FGF13: variants seen among roughly 807,000 people sequenced by gnomAD.
The protein encoded by FGF13 is fibroblast growth factor 13.
In FGF13, 2 loss-of-function variants were observed where a neutral mutation model predicts 19.5. The ratio of observed to expected loss-of-function variants is 0.10; its 90% CI spans 0.04 to 0.32. FGF13 has a LOEUF of 0.32. Ranked by LOEUF, FGF13 falls within the 10% of genes least tolerant of loss-of-function variation. The pLI, the probability that FGF13 is intolerant of heterozygous loss-of-function variation, is 1.00. For missense variants in FGF13, 113 were observed against 192.7 expected (o/e 0.59, Z 2.45); for synonymous variants, 72 against 76.9 (o/e 0.94, Z 0.33).
At chrX:139,113,625 C>T (rs368754464) in intron 1 of FGF13, among the ~76,000 whole-genome samples, 10 of 112,386 alleles carry the variant, frequency 8.9e-5, no homozygotes, top group Non-Finnish European at 1.9e-4. Context: ...ACTTAAAATA[C>T]GTGGTTACAT....
chrX:138,797,969 T>C (rs904846274), intron 3 of FGF13, among the ~76,000 whole-genome samples: 3 of 111,881 alleles, frequency 2.7e-5, no homozygotes, highest in Admixed American at 1.9e-4. Flanking sequence ...TGGGCTGAGA[T>C]GATGAGGTTT....
intron 3 of FGF13, among the ~76,000 whole-genome samples, chrX:138,783,033 T>G (rs1364313676): frequency 2.2e-5 from 2 of 89,406 alleles, no homozygotes; most frequent in Non-Finnish European, 4.3e-5. Flanking sequence ...ATCTGATCTT[T>G]GACAAACCTG....
chrX:139,165,071 T>G (rs923881440), intron 1 of FGF13, among the ~76,000 whole-genome samples: 5 of 111,989 alleles, frequency 4.5e-5, no homozygotes, highest in African/African-American at 1.6e-4. Flanking sequence ...GGTAGAAATA[T>G]GGACGTTAAA....
chrX:138,728,004 C>G (rs960705961), intron 1 of FGF13, among the ~76,000 whole-genome samples: 9 of 111,326 alleles, frequency 8.1e-5, no homozygotes, highest in African/African-American at 2.9e-4. Flanking sequence ...ATTATATTAT[C>G]CTTTCCAAAG....
At chrX:138,867,921 A>G (rs921463925) in intron 1 of FGF13, among the ~76,000 whole-genome samples, 3 of 110,705 alleles carry the variant, frequency 2.7e-5, no homozygotes, top group African/African-American at 9.9e-5. Flanking sequence ...CGCACAAAAA[A>G]TTTTCAACCA....
chrX:138,915,592 G>A (rs1271957846), intron 1 of FGF13, among the ~76,000 whole-genome samples: 1 of 111,669 alleles, frequency 9.0e-6, no homozygotes, highest in Non-Finnish European at 1.9e-5. Flanking sequence ...GCTTCAACAG[G>A]TATTTGTGTC....
In FGF13 at chrX:138,870,347, TTTAACAGA is replaced by T. The variant is rs202154586; in HGVS notation, c.-112-5705_-112-5698del. Among the ~76,000 whole-genome samples, 847 of 112,092 alleles carry T rather than the reference TTTAACAGA, an allele frequency of 7.6e-3. 7 individuals carry two copies. The highest frequency in any genetic ancestry group is 0.026 in the African/African-American group (796 of 30,864). ...ATATTCATAGCAACCCATGTTCACA[TTTAACAGA>T]GAGAAAACTGAATGTCAAAGAGGTT... On this transcript the variant is annotated intron_variant, in intron 1 of 2. Coordinates refer to the FGF13 transcript ENST00000421460.
At chrX:139,191,741 G>A (rs928993392) in intron 1 of FGF13, among the ~76,000 whole-genome samples, 5 of 111,085 alleles carry the variant, frequency 4.5e-5, no homozygotes, top group Non-Finnish European at 9.4e-5. Context: ...GAAAAATTAT[G>A]TCCAAGGAAA....
chrX:139,193,411 G>C (rs2084347829), intron 1 of FGF13, among the ~76,000 whole-genome samples: 1 of 112,101 alleles, frequency 8.9e-6, no homozygotes, highest in Admixed American at 9.5e-5. Flanking sequence ...AACACATTTA[G>C]TGAGCACTTG....
chrX:139,162,082 T>C (rs1276304925), intron 1 of FGF13, among the ~76,000 whole-genome samples: 1 of 112,005 alleles, frequency 8.9e-6, no homozygotes, highest in Non-Finnish European at 1.9e-5. Context: ...AAAGAGCCTG[T>C]ATAGGCAAGA....
intron 1 of FGF13, among the ~76,000 whole-genome samples, chrX:139,173,311 G>C (rs1326995032): frequency 9.0e-6 from 1 of 110,814 alleles, no homozygotes; most frequent in African/African-American, 3.3e-5. Flanking sequence ...GTCTCTTCTA[G>C]AAATTGATAC....
intron 1 of FGF13, among the ~76,000 whole-genome samples, chrX:139,034,047 A>T (rs1462865178): frequency 8.9e-6 from 1 of 111,751 alleles, no homozygotes; most frequent in African/African-American, 3.3e-5. Context: ...AATGACTTCT[A>T]TCAGAATTAT....
Position 138,952,764 on chromosome X carries a change from G to A in FGF13, c.-112-88114C>T, listed in dbSNP as rs1217324812. Among the ~76,000 whole-genome samples, 12 of 111,182 alleles carry A rather than the reference G, an allele frequency of 1.1e-4. No homozygotes were observed. The East Asian group carries it at 1.1e-3, about 11-fold the overall frequency. On this transcript the variant is annotated intron_variant, in intron 1 of 2. Transcript: ENST00000421460. ...CAAACAACCCCATCAACAAGTGGGC[G>A]AAGGATATGAACAGACACTTCTCAA...
At chrX:139,140,628 T>A (rs1165839962) in intron 1 of FGF13, among the ~76,000 whole-genome samples, 2 of 111,221 alleles carry the variant, frequency 1.8e-5, no homozygotes, top group African/African-American at 6.6e-5. Context: ...TTCCACTTTG[T>A]CCCTTAGGGT....
At chrX:139,105,477 C>G (rs1379228164) in intron 1 of FGF13, among the ~76,000 whole-genome samples, 1 of 111,853 alleles carries the variant, frequency 8.9e-6, no homozygotes, top group East Asian at 2.8e-4. Context: ...TTCATGCTCA[C>G]GAACTCCTAT....
chrX:139,002,154 C>A (rs2092076141), intron 1 of FGF13, among the ~76,000 whole-genome samples: 1 of 109,971 alleles, frequency 9.1e-6, no homozygotes, highest in African/African-American at 3.3e-5. Flanking sequence ...AACACATGGA[C>A]ACAGGGAGGG....
chrX:138,651,492 G>T (rs757344698), intron 3 of FGF13, among the ~76,000 whole-genome samples: 2 of 111,764 alleles, frequency 1.8e-5, no homozygotes. Flanking sequence ...TAATAGATTC[G>T]ATTTTTCCTG....
intron 1 of FGF13, among the ~76,000 whole-genome samples, chrX:139,054,940 C>T (rs1337890536): frequency 1.2e-5 from 1 of 84,311 alleles, no homozygotes; most frequent in Non-Finnish European, 2.2e-5. Context: ...TTGTATTTTG[C>T]AGCTATTGTA....
intron 3 of FGF13, among the ~76,000 whole-genome samples, chrX:138,828,569 C>CAA (rs11351814): frequency 0.044 from 2,123 of 48,009 alleles, 107 homozygotes; most frequent in African/African-American, 0.15. Context: ...GACTCCGTCT[C>CAA]AAAAAAAAAA....
Sources: gnomAD v4.1 joint callset for allele counts (sites outside exome capture counted in the v4.1 genomes callset) on GRCh38, gnomAD v4.1.1 for gene constraint, MANE v1.5 for transcripts, NCBI Gene and HGNC (gene_info 2026-07-23, HGNC 2026-07-21) for gene names.